The following SLC7A11 variants were observed in gnomAD, a reference collection of about 807,000 sequenced individuals.
SLC7A11 encodes the protein cystine/glutamate transporter.
In SLC7A11, 35 loss-of-function variants were observed where a neutral mutation model predicts 54.5. That is an observed-to-expected ratio of 0.64 (90% CI 0.49 to 0.85). SLC7A11 has a LOEUF of 0.85. Among genes scored for constraint, SLC7A11 ranks in the 40% least tolerant of loss-of-function variants. SLC7A11 has a pLI of 0.00. For missense variants in SLC7A11, 583 were observed against 618.1 expected, an observed-to-expected ratio of 0.94 and a Z score of 0.60; for synonymous variants, 230 against 225.2, an observed-to-expected ratio of 1.02 and a Z score of -0.19.
intron 1 of SLC7A11, 39 bp downstream of exon 1, chr4:138,241,754 C>T: frequency 6.7e-7 from 1 of 1,498,054 alleles, no homozygotes; most frequent in Non-Finnish European, 9.3e-7. Context: ...CTTTCCAGCC[C>T]CACAGCCACG....
chr4:138,219,278 G>A lies in SLC7A11; in HGVS notation c.734C>T (p.Ala245Val). 1.3e-6 allele frequency: 2 copies of A among 1,587,704 alleles called. No individual in the cohort carries two copies. Among genetic ancestry groups the A allele is most frequent in the Non-Finnish European group, 8.6e-7 (1 of 1,156,108 alleles). ...GCTATCAACTTACCAGCCAGCATATGCATACATTCCATAATAAAAAGCCAG... is the reference window on the plus strand; with the variant it reads ...GCTATCAACTTACCAGCCAGCATATACATACATTCCATAATAAAAAGCCAG... ...LPLAFYYGMY[A>V]YAGWFYLNFV... Residue 245 changes from alanine (A) to valine (V), a missense_variant, in exon 5 of 12, where the codon GCA becomes GTA. Ala to Val is a moderately conservative substitution (Grantham distance 64). Transcript: ENST00000280612.
chr4:138,233,093 T>A (rs1427228600), intron 2 of SLC7A11, among the ~76,000 whole-genome samples: 5 of 152,138 alleles, frequency 3.3e-5, no homozygotes, highest in East Asian at 3.8e-4. Flanking sequence ...AATATTTTTA[T>A]GAGAAAATTG....
At chr4:138,185,782 T>C (rs1736861537) in intron 6 of SLC7A11, among the ~76,000 whole-genome samples, 2 of 152,190 alleles carry the variant, frequency 1.3e-5, no homozygotes, top group Admixed American at 6.6e-5. Context: ...TTTCCATCAA[T>C]AGCTTTCATT....
Position 138,171,565 on chromosome 4 carries a change from A to G in SLC7A11, c.*391T>C, listed in dbSNP as rs13120371. On this transcript the variant is annotated 3_prime_UTR_variant, in exon 12 of 12. Transcript: ENST00000280612. ...AACACTTTTCACAGTATAGACATCT[A>G]TAGTGTGTAAAACCATCTTTACAAA... 0.3 allele frequency: 54,723 copies of G among 183,130 alleles called. 9,066 individuals are homozygous for G. Among genetic ancestry groups the G allele is most frequent in the Middle Eastern group, 0.44 (203 of 462 alleles). The allele number at this position is 183,130 out of a possible 1,614,324, so 11.3% of individuals were successfully genotyped here.
rs1736212886 is a variant in SLC7A11, at chr4:138,164,753, T to C, written c.*7203A>G. 6.6e-6 allele frequency: 1 copy of C among 152,130 alleles called. No individual in the cohort carries two copies. Among genetic ancestry groups the C allele is most frequent in the Non-Finnish European group, 1.5e-5 (1 of 67,996 alleles). 9.4% of individuals were successfully genotyped at this position (152,130 alleles called of 1,614,324 possible). On this transcript the variant is annotated 3_prime_UTR_variant, in exon 12 of 12. Transcript: ENST00000280612. ...GTTGAGGACCAGTTAGTTAGGATAT[T>C]GAGGATCACTCTTTTTCAGCTGGAT...
intron 5 of SLC7A11, among the ~76,000 whole-genome samples, chr4:138,216,727 C>T (rs1253016182): frequency 1.3e-5 from 2 of 152,184 alleles, no homozygotes; most frequent in Non-Finnish European, 2.9e-5. Context: ...GCAGCTTTTA[C>T]TTACAGGCTA....
intron 5 of SLC7A11, 107 bp from the exon 6 acceptor site, chr4:138,214,736 A>T: frequency 5.3e-6 from 2 of 375,956 alleles, no homozygotes; most frequent in East Asian, 4.9e-5. Context: ...AAACTATAAC[A>T]ATACTTATAG....
At chr4:138,211,090 C>T (rs1269184769) in intron 6 of SLC7A11, among the ~76,000 whole-genome samples, 3 of 151,930 alleles carry the variant, frequency 2.0e-5, no homozygotes, top group Non-Finnish European at 2.9e-5. Context: ...TCCTTTACAG[C>T]AACATGGATG....
chr4:138,181,010 A>G (rs1736728585), intron 9 of SLC7A11, among the ~76,000 whole-genome samples: 1 of 152,118 alleles, frequency 6.6e-6, no homozygotes, highest in Non-Finnish European at 1.5e-5. Context: ...TGGCCATTAT[A>G]CTTTATTCAA....
intron 6 of SLC7A11, among the ~76,000 whole-genome samples, chr4:138,207,836 C>A (rs1201324750): frequency 6.6e-6 from 1 of 151,702 alleles, no homozygotes; most frequent in African/African-American, 2.4e-5. Context: ...AGATATTTTG[C>A]CTATTTTGTT....
rs973003974 is a variant in SLC7A11 at position 138,237,879 on chromosome 4, G to C, written c.278-1428C>G. 4.1e-5 allele frequency among the ~76,000 whole-genome samples: 6 copies of C among 146,104 alleles called. No homozygotes were observed. In the South Asian group the frequency reaches 1.1e-3, roughly 27 times the overall value. On this transcript the variant is annotated intron_variant, in intron 1 of 11. Coordinates refer to ENST00000280612, the MANE Select transcript of SLC7A11 (RefSeq NM_014331.4). ...TGATTCTCCTGCCTCAGCCTCTCAAGTAGTTGGGATTAGAGGTGCCTGCCA... is the reference window on the plus strand; with the variant it reads ...TGATTCTCCTGCCTCAGCCTCTCAACTAGTTGGGATTAGAGGTGCCTGCCA...
At chr4:138,229,176 TC>T in intron 3 of SLC7A11, among the ~76,000 whole-genome samples, 1 of 152,302 alleles carries the variant, frequency 6.6e-6, no homozygotes, top group Non-Finnish European at 1.5e-5. Flanking sequence ...TTCATGCAAT[TC>T]AACTCTGTTT....
chr4:138,214,292 G>C (rs1356030944), intron 6 of SLC7A11, among the ~76,000 whole-genome samples: 2 of 151,666 alleles, frequency 1.3e-5, no homozygotes, highest in African/African-American at 4.8e-5. Context: ...TGTTTATATG[G>C]GATAGGCTAC....
intron 6 of SLC7A11, among the ~76,000 whole-genome samples, chr4:138,204,957 T>C (rs1241690485): frequency 1.3e-5 from 2 of 152,058 alleles, no homozygotes; most frequent in East Asian, 3.9e-4. Context: ...ATTATGCTAA[T>C]CCTCTAATTT....
At chr4:138,178,315 T>C (rs1016123016) in intron 11 of SLC7A11, 7 of 152,170 alleles carry the variant, frequency 4.6e-5, no homozygotes, top group Non-Finnish European at 1.0e-4. Context: ...TATTAACTCA[T>C]TCTTTTTTAT....
rs778221367 is a variant in SLC7A11 at position 138,185,164 on chromosome 4, G to A, written c.872C>T (p.Thr291Ile). The A allele has an allele frequency of 3.1e-6, 5 of 1,612,978 alleles. No individual in the cohort carries two copies. Among genetic ancestry groups the A allele is most frequent in the South Asian group, 2.2e-5 (2 of 91,060 alleles). ...AAGCAGCAGCTCCTCAGCATTAATGGTCGTAAAGTAGGCCACATTTGTCAG... is the reference window on the plus strand; with the variant it reads ...AAGCAGCAGCTCCTCAGCATTAATGATCGTAAAGTAGGCCACATTTGTCAG... ...YVLTNVAYFT[T>I]INAEELLLSN... The change falls in exon 7 of 12, where the codon ACC becomes ATC. Residue 291 changes from threonine to isoleucine, a missense_variant. Coordinates refer to ENST00000280612, the MANE Select transcript of SLC7A11 (RefSeq NM_014331.4).
chr4:138,236,270 A>G (rs1042737045), intron 2 of SLC7A11, 55 bp downstream of exon 2: 1 of 1,488,860 alleles, frequency 6.7e-7, no homozygotes, highest in African/African-American at 1.4e-5. Flanking sequence ...AATCAAGGTG[A>G]TTCATAAGAA....
chr4:138,201,982 T>C (rs1737296611), intron 6 of SLC7A11, among the ~76,000 whole-genome samples: 1 of 152,126 alleles, frequency 6.6e-6, no homozygotes, highest in Non-Finnish European at 1.5e-5. Context: ...AACTAAATTA[T>C]GGGGAATGTC....
At position 138,236,282 on chromosome 4, in the gene SLC7A11, G is replaced by T. The variant is rs772855955; in HGVS notation, c.404+43C>A. 4.5e-6 allele frequency: 7 copies of T among 1,542,560 alleles called. No homozygotes were observed. In the South Asian group the frequency reaches 5.9e-5, roughly 13 times the overall value. ...AATAATCAAGGTGATTCATAAGAAT[G>T]AATTGGTTTATTTTTTCTTAATTCT... On this transcript the variant is annotated intron_variant, in intron 2 of 11. Coordinates refer to ENST00000280612, the MANE Select transcript of SLC7A11 (RefSeq NM_014331.4).
Sources: gnomAD v4.1 joint callset for allele counts (sites outside exome capture counted in the v4.1 genomes callset) on GRCh38, gnomAD v4.1.1 for gene constraint, MANE v1.5 for transcripts, NCBI Gene and HGNC (gene_info 2026-07-23, HGNC 2026-07-21) for gene names.